PPFIA2: variants seen among roughly 807,000 people sequenced by gnomAD.
PPFIA2 encodes the protein PPFI scaffold protein A2.
PPFIA2 carries 46 observed loss-of-function variants against 175.5 expected under a neutral mutation model. The observed-to-expected ratio is 0.26, with a 90% CI of 0.21 to 0.34. PPFIA2 has a LOEUF of 0.34. PPFIA2 is among the 10% of genes least tolerant of loss of function. PPFIA2 has a pLI of 1.00. For missense variants in PPFIA2, 1,179 were observed against 1,506.1 expected (o/e 0.78, Z 3.60); for synonymous variants, 568 against 511.4 (o/e 1.11, Z -1.49).
At chr12:81,349,509 T>C (rs1400989173) in intron 17 of PPFIA2, among the ~76,000 whole-genome samples, 2 of 152,120 alleles carry the variant, frequency 1.3e-5, no homozygotes, top group Middle Eastern at 3.2e-3. Flanking sequence ...AGTAACATAG[T>C]ACATAGTAAC....
chr12:81,600,942 T>C (rs914491448), intron 4 of PPFIA2, among the ~76,000 whole-genome samples: 1 of 152,000 alleles, frequency 6.6e-6, no homozygotes, highest in Non-Finnish European at 1.5e-5. Flanking sequence ...CCAGATCCCT[T>C]GTTATTGTAG....
intron 3 of PPFIA2, among the ~76,000 whole-genome samples, chr12:81,690,219 T>A (rs1001550919): frequency 6.6e-6 from 1 of 152,084 alleles, no homozygotes; most frequent in African/African-American, 2.4e-5. Context: ...AAAATTGGAA[T>A]CTTTCTCAAT....
intron 4 of PPFIA2, among the ~76,000 whole-genome samples, chr12:81,591,402 G>GC (rs2058656664): frequency 6.6e-6 from 1 of 152,172 alleles, no homozygotes; most frequent in African/African-American, 2.4e-5. Flanking sequence ...AGAAATTCAA[G>GC]CCGGCTGCAG....
chr12:81,581,606 C>T (rs1311650065), intron 4 of PPFIA2, among the ~76,000 whole-genome samples: 1 of 151,716 alleles, frequency 6.6e-6, no homozygotes, highest in Non-Finnish European at 1.5e-5. Context: ...ATTTATTTTG[C>T]TATTATCTAT....
intron 3 of PPFIA2, among the ~76,000 whole-genome samples, chr12:81,711,219 T>G (rs1475685699): frequency 6.6e-6 from 1 of 151,150 alleles, no homozygotes; most frequent in Non-Finnish European, 1.5e-5. Context: ...CAGAGTGAGA[T>G]TCTGTCTCAA....
chr12:81,608,959 C>G (rs1219529291), intron 4 of PPFIA2, among the ~76,000 whole-genome samples: 1 of 151,896 alleles, frequency 6.6e-6, no homozygotes, highest in Non-Finnish European at 1.5e-5. Flanking sequence ...AACATTGCTT[C>G]AGTTGTATCC....
At chr12:81,558,353 A>C (rs1437870919) in intron 4 of PPFIA2, among the ~76,000 whole-genome samples, 1 of 152,210 alleles carries the variant, frequency 6.6e-6, no homozygotes, top group Non-Finnish European at 1.5e-5. Flanking sequence ...AAGATTGATC[A>C]GTAGTTACTG....
chr12:81,357,013 A>G (rs1415821612), intron 16 of PPFIA2, among the ~76,000 whole-genome samples: 4 of 152,192 alleles, frequency 2.6e-5, no homozygotes, highest in African/African-American at 9.6e-5. Context: ...CATAAAAGAC[A>G]GATCCTAGAT....
chr12:81,634,811 T>C (rs965778493), intron 4 of PPFIA2, among the ~76,000 whole-genome samples: 1 of 152,066 alleles, frequency 6.6e-6, no homozygotes, highest in Admixed American at 6.5e-5. Context: ...CTTGTTTTTT[T>C]CTTCTTTTCT....
intron 3 of PPFIA2, among the ~76,000 whole-genome samples, chr12:81,712,532 T>C (rs547516831): frequency 6.6e-6 from 1 of 151,266 alleles, no homozygotes; most frequent in Admixed American, 6.8e-5. Context: ...AGTAAGAGTT[T>C]AGTAATAAGT....
chr12:81,551,898 A>C (rs2067989911), intron 4 of PPFIA2, among the ~76,000 whole-genome samples: 1 of 151,886 alleles, frequency 6.6e-6, no homozygotes, highest in Non-Finnish European at 1.5e-5. Flanking sequence ...AGATAACTAC[A>C]ACTGGATTAA....
At chr12:81,532,377 C>G (rs1194169816) in intron 4 of PPFIA2, among the ~76,000 whole-genome samples, 1 of 151,712 alleles carries the variant, frequency 6.6e-6, no homozygotes, top group Non-Finnish European at 1.5e-5. Context: ...GAGAGACTAT[C>G]AGAGCAGCTC....
chr12:81,554,759 C>A (rs2068547676), intron 4 of PPFIA2, among the ~76,000 whole-genome samples: 1 of 151,990 alleles, frequency 6.6e-6, no homozygotes, highest in African/African-American at 2.4e-5. Context: ...ATCAGGTGGA[C>A]ATTTATAGTT....
chr12:81,661,372 A>G (rs1281221491), intron 4 of PPFIA2, among the ~76,000 whole-genome samples: 2 of 152,228 alleles, frequency 1.3e-5, no homozygotes, highest in Non-Finnish European at 2.9e-5. Flanking sequence ...AGCAAATGGA[A>G]AACAGAAAAA....
chr12:81,661,311 G>C (rs912010026), intron 4 of PPFIA2, among the ~76,000 whole-genome samples: 28 of 152,056 alleles, frequency 1.8e-4, no homozygotes, highest in African/African-American at 6.8e-4. Context: ...CCCATCTCAC[G>C]TGCAGAGACA....
At chr12:81,275,100 G>T (rs1315680884) in intron 28 of PPFIA2, among the ~76,000 whole-genome samples, 2 of 152,184 alleles carry the variant, frequency 1.3e-5, no homozygotes, top group Non-Finnish European at 2.9e-5. Context: ...ATCTACCTGT[G>T]TGCTAAGACA....
chr12:81,294,455 AAGG>A (rs2045934072), intron 24 of PPFIA2: 2 of 172,644 alleles, frequency 1.2e-5, no homozygotes, highest in African/African-American at 5.5e-5. Flanking sequence ...GGAAGGAAGG[AAGG>A]AAGGAAGGAA....
chr12:81,309,861 CCT>C (rs2050304370), intron 22 of PPFIA2, among the ~76,000 whole-genome samples: 1 of 151,908 alleles, frequency 6.6e-6, no homozygotes, highest in African/African-American at 2.4e-5. Flanking sequence ...TAAATACCCC[CCT>C]GACACACACA....
rs75328633 is a variant in PPFIA2 at position 81,465,884 on chromosome 12, A to T, written c.304-8018T>A. Among the ~76,000 whole-genome samples, 472 of 152,310 alleles carry T rather than the reference A, an allele frequency of 3.1e-3. 6 individuals carry two copies. Among genetic ancestry groups the T allele is most frequent in the East Asian group, 0.028 (145 of 5,188 alleles). ...AATCATTTAGTTTGGGAAGAAAGGC[A>T]TATAGAAATTAATACGTAATCATTA... is the stretch of plus-strand genomic sequence containing the variant. On this transcript the variant is annotated intron_variant, in intron 4 of 32. Coordinates refer to ENST00000549396, the MANE Select transcript of PPFIA2 (RefSeq NM_003625.5).
Sources: allele counts gnomAD v4.1 joint callset (sites outside exome capture counted in the v4.1 genomes callset), GRCh38; gene constraint gnomAD v4.1.1; transcripts MANE v1.5; gene names NCBI Gene and HGNC (gene_info 2026-07-23, HGNC 2026-07-21).